The following CACNA1B variants were observed in gnomAD, a reference collection of about 807,000 sequenced individuals.
CACNA1B encodes the protein voltage-dependent N-type calcium channel subunit alpha-1B.
A neutral mutation model predicts 247.2 loss-of-function variants in CACNA1B; 70 were observed. The observed-to-expected ratio is 0.28, with a 90% confidence interval of 0.23 to 0.35. The LOEUF (loss-of-function observed/expected upper bound fraction) is 0.35. CACNA1B is among the 10% of genes least tolerant of loss of function. The pLI is 1.00. For synonymous variants in CACNA1B, 1,231 were observed against 1,294.4 expected, an observed-to-expected ratio of 0.95 and a Z score of 1.05; for missense variants, 2,367 against 3,197.4, an observed-to-expected ratio of 0.74 and a Z score of 6.26.
rs565420556 is a variant in CACNA1B, at chr9:137,952,397, A to T, written c.1070+20A>T. On this transcript the variant is annotated intron_variant, in intron 7 of 46. Transcript: ENST00000371372. This position sits in a 1 kb window ranked among gnomAD's most constrained non-coding sequence, Gnocchi z 4.8. ...CTCGGGGTGAGAGACCATGTGGGGG[A>T]TGTGCAGGTGCCCCTCTGTGTTCTC... 3 of 1,589,426 alleles carry T rather than the reference A, an allele frequency of 1.9e-6. No individual in the cohort carries two copies. The highest frequency in any genetic ancestry group is 2.7e-5 in the African/African-American group (2 of 74,250).
In CACNA1B at chr9:138,058,039, C is replaced by G; in HGVS notation, c.4107-10C>G. On this transcript the variant is annotated splice_polypyrimidine_tract_variant and intron_variant, in intron 27 of 46. Coordinates refer to ENST00000371372, the MANE Select transcript of CACNA1B (RefSeq NM_000718.4). This position sits in a 1 kb window ranked among gnomAD's most constrained non-coding sequence, Gnocchi z 4.7. ...GGGTTCCCCTGACACTTGCTCTCCT[C>G]TTTGCCCAGGGTGCTGAAACACTCC... 1 of 1,612,468 alleles carries G rather than the reference C, an allele frequency of 6.2e-7. No individual in the cohort carries two copies.
At position 138,019,716 on chromosome 9, in the gene CACNA1B, T is replaced by C. The variant is rs530964181; in HGVS notation, c.2268-3295T>C. Among the ~76,000 whole-genome samples the C allele has an allele frequency of 2.1e-3, 316 of 152,292 alleles. 1 individual carries two copies. The highest frequency in any genetic ancestry group is 3.4e-3 in the Non-Finnish European group (232 of 68,018). On this transcript the variant is annotated intron_variant, in intron 18 of 46. Transcript: ENST00000371372. ...GCTCAGTCTTTCCACGAGCACTGTT[T>C]GCTGCTGGCTGTCAGAGGCACTGAT...
Position 137,976,016 on chromosome 9 carries a change from T to C in CACNA1B, c.1653T>C (p.Phe551=), listed in dbSNP as rs1441506086. 2.2e-5 allele frequency: 35 copies of C among 1,593,704 alleles called. No individual in the cohort carries two copies. Among genetic ancestry groups the C allele is most frequent in the African/African-American group, 4.0e-5 (3 of 74,540 alleles). Reference sequence around the variant, plus strand: ...GGTCCTCCTTCAACTGCTTCGACTTTGGGGTGAGTGAGAGGCCTGATCAGG... The same window carrying C: ...GGTCCTCCTTCAACTGCTTCGACTTCGGGGTGAGTGAGAGGCCTGATCAGG... ...YFRSSFNCFD[F]GVIVGSVFEV... The change falls in exon 12 of 47, where the codon TTT becomes TTC. Residue 551 remains phenylalanine (F), a synonymous_variant. Coordinates refer to ENST00000371372, the MANE Select transcript of CACNA1B (RefSeq NM_000718.4).
In CACNA1B at chr9:138,088,832, G is replaced by A. The variant is rs552419899; in HGVS notation, c.5095-7652G>A. 5.9e-5 allele frequency among the ~76,000 whole-genome samples: 9 copies of A among 151,282 alleles called. No individual in the cohort carries two copies. The East Asian group carries it at 1.6e-3, about 26-fold the overall frequency. On this transcript the variant is annotated intron_variant, in intron 36 of 46. Transcript: ENST00000371372. ...AAATTAGCCAGGCGTGGTGGTGCAC[G>A]CCTGTGGTCCCAAGTACTCAGGAGG...
intron 6 of CACNA1B, among the ~76,000 whole-genome samples, chr9:137,932,143 C>T (rs182402585): frequency 2.8e-4 from 42 of 152,228 alleles, no homozygotes; most frequent in Admixed American, 5.2e-4. Flanking sequence ...TGTATGGCGA[C>T]GATACTTTGG....
chr9:137,978,435 GC>G (rs1035161341), intron 12 of CACNA1B, among the ~76,000 whole-genome samples: 3 of 146,546 alleles, frequency 2.0e-5, no homozygotes, highest in Non-Finnish European at 3.0e-5. Context: ...TGGGAGCACT[GC>G]CCCCCCGAGA....
At chr9:138,089,292 TG>T (rs1960804445) in intron 36 of CACNA1B, among the ~76,000 whole-genome samples, 2 of 152,314 alleles carry the variant, frequency 1.3e-5, no homozygotes, top group South Asian at 4.1e-4. Flanking sequence ...TAGTAGTAAC[TG>T]AATCCAGCAG....
intron 3 of CACNA1B, among the ~76,000 whole-genome samples, chr9:137,906,350 G>A (rs1588996416): frequency 1.3e-5 from 2 of 152,150 alleles, no homozygotes; most frequent in African/African-American, 4.8e-5. Context: ...ATAAGGTGAA[G>A]GGAGGGAGAA....
In CACNA1B at chr9:137,882,639, T is replaced by A; in HGVS notation, c.391-105T>A. On this transcript the variant is annotated intron_variant, in intron 2 of 46. Coordinates refer to ENST00000371372, the MANE Select transcript of CACNA1B (RefSeq NM_000718.4). This position sits in a 1 kb window ranked among gnomAD's most constrained non-coding sequence, Gnocchi z 4.0. ...GGTGAGGAGGGTCAGACCCTCACGATAGCTGTGGCCTGCACATGGTGGGGT... is the reference window on the plus strand; with the variant it reads ...GGTGAGGAGGGTCAGACCCTCACGAAAGCTGTGGCCTGCACATGGTGGGGT... The A allele has an allele frequency of 2.3e-6, 3 of 1,332,662 alleles. No homozygotes were observed. The highest frequency in any genetic ancestry group is 3.2e-6 in the Non-Finnish European group (3 of 946,214). The allele number at this position is 1,332,662 out of a possible 1,614,324, so 82.6% of individuals were successfully genotyped here. A position where few individuals can be genotyped will look rare whatever the true frequency, so the allele number is the denominator to read the frequency against.
At position 137,955,661 on chromosome 9, in the gene CACNA1B, C is replaced by A; in HGVS notation, c.1071-37C>A. 2.8e-6 allele frequency: 4 copies of A among 1,410,370 alleles called. No homozygotes were observed. The highest frequency in any genetic ancestry group is 2.3e-5 in the East Asian group (1 of 42,934). The allele number at this position is 1,410,370 out of a possible 1,614,324, so 87.4% of individuals were successfully genotyped here. ...GGGCTGCACACCTGTGGGGCTTGCA[C>A]TCACCTGATCTTGCTTTTCCGGCCC... On this transcript the variant is annotated intron_variant, in intron 7 of 46. Transcript: ENST00000371372. The surrounding 1 kb of genome is among the most constrained non-coding windows in gnomAD (Gnocchi z 6.9).
In CACNA1B at chr9:137,976,572, G is replaced by T. The variant is rs570212074; in HGVS notation, c.1656+553G>T. On this transcript the variant is annotated intron_variant, in intron 12 of 46. Transcript: ENST00000371372. ...TTACCATGACAGTTGAACACAGACGGCAGGGCAGGGCAGTCTGAGAATTAC... is the reference window on the plus strand; with the variant it reads ...TTACCATGACAGTTGAACACAGACGTCAGGGCAGGGCAGTCTGAGAATTAC... Among the ~76,000 whole-genome samples, 23 of 152,116 alleles carry T rather than the reference G, an allele frequency of 1.5e-4. No homozygotes were observed. In the East Asian group the frequency reaches 4.1e-3, roughly 27 times the overall value.
chr9:138,040,264 T>C (rs1959101312), intron 20 of CACNA1B, among the ~76,000 whole-genome samples: 1 of 152,126 alleles, frequency 6.6e-6, no homozygotes, highest in Non-Finnish European at 1.5e-5. Flanking sequence ...ATGTATCTCA[T>C]CTAAGAATTC....
In CACNA1B at chr9:138,001,241, T is replaced by C. The variant is rs994752581; in HGVS notation, c.1975-5526T>C. On this transcript the variant is annotated intron_variant, in intron 15 of 46. Coordinates refer to ENST00000371372, the MANE Select transcript of CACNA1B (RefSeq NM_000718.4). Reference sequence around the variant, plus strand: ...ATTGATAAAAATAAACTTTAATTCATGATAAAAAAAAGTCATACTAAGAAT... The same window carrying C: ...ATTGATAAAAATAAACTTTAATTCACGATAAAAAAAAGTCATACTAAGAAT... Among the ~76,000 whole-genome samples, 5 of 97,164 alleles carry C rather than the reference T, an allele frequency of 5.1e-5. 1 individual carries two copies. The highest frequency in any genetic ancestry group is 1.4e-4 in the African/African-American group (2 of 14,700). 63.7% of individuals were successfully genotyped at this position (97,164 alleles called of 152,430 possible).
intron 42 of CACNA1B, among the ~76,000 whole-genome samples, chr9:138,116,110 C>T (rs1231007058): frequency 6.6e-6 from 1 of 152,232 alleles, no homozygotes; most frequent in African/African-American, 2.4e-5. Flanking sequence ...AGACAAGAGG[C>T]CCCTGCCCCT....
chr9:138,104,351 C>T (rs1299984121), intron 38 of CACNA1B, among the ~76,000 whole-genome samples: 2 of 152,284 alleles, frequency 1.3e-5, no homozygotes, highest in African/African-American at 4.8e-5. Context: ...AAATCACCTG[C>T]CTGCTCTGCC....
At chr9:137,984,918 C>A (rs7870040) in intron 13 of CACNA1B, among the ~76,000 whole-genome samples, 41,782 of 152,150 alleles carry the variant, frequency 0.27, 7,977 homozygotes, top group East Asian at 0.64. Flanking sequence ...CCCCTCACTG[C>A]CAGAGTTGTA....
At chr9:138,104,291 C>T (rs1482618266) in intron 38 of CACNA1B, among the ~76,000 whole-genome samples, 1 of 152,214 alleles carries the variant, frequency 6.6e-6, no homozygotes, top group Non-Finnish European at 1.5e-5. Context: ...TGATGGCACC[C>T]CTGGGGAGGG....
At chr9:138,078,011 C>T in intron 35 of CACNA1B, 103 bp from the exon 36 acceptor site, 1 of 966,308 alleles carries the variant, frequency 1.0e-6, no homozygotes, top group Non-Finnish European at 1.5e-6. Context: ...TGTGAGCTGT[C>T]TGTGGGAAGG....
intron 39 of CACNA1B, among the ~76,000 whole-genome samples, chr9:138,111,952 TTAC>T: frequency 6.6e-6 from 1 of 152,176 alleles, no homozygotes; most frequent in African/African-American, 2.4e-5. Context: ...TTTTTTTTTT[TTAC>T]TTATTACTGC....
Sources: allele counts gnomAD v4.1 joint callset (sites outside exome capture counted in the v4.1 genomes callset), GRCh38; gene constraint gnomAD v4.1.1; non-coding constraint Gnocchi (gnomAD v3.1); transcripts MANE v1.5; gene names NCBI Gene and HGNC (gene_info 2026-07-23, HGNC 2026-07-21).